The following NOX4 variants were observed in gnomAD, a reference collection of about 807,000 sequenced individuals.
NOX4 encodes kidney oxidase-1.
In NOX4, 69 loss-of-function variants were observed where a neutral mutation model predicts 87.6. The ratio of observed to expected loss-of-function variants is 0.79; its 90% confidence interval spans 0.65 to 0.96. The LOEUF (loss-of-function observed/expected upper bound fraction) is 0.96. Ranked by LOEUF, NOX4 falls within the 40% of genes least tolerant of loss-of-function variation. NOX4 has a pLI of 0.00. For synonymous variants in NOX4, 275 were observed against 238.2 expected (o/e 1.15, Z -1.42); for missense variants, 680 against 681.5 (o/e 1.00, Z 0.02).
At chr11:89,587,086 A>G in the NOX4 span, among the ~76,000 whole-genome samples, 1 of 152,208 alleles carries the variant, frequency 6.6e-6, no homozygotes, top group South Asian at 2.1e-4. Flanking sequence ...GCAAAGACAC[A>G]GAAAAAATAA....
rs1239800206 is a variant in NOX4, at chr11:89,368,761, C to G, written c.1135+4671G>C. Among the ~76,000 whole-genome samples, 5 of 152,126 alleles carry G rather than the reference C, an allele frequency of 3.3e-5. No homozygotes were observed. The East Asian group carries it at 9.7e-4, about 30-fold the overall frequency. On this transcript the variant is annotated intron_variant, in intron 12 of 17. Coordinates refer to ENST00000263317, the MANE Select transcript of NOX4 (RefSeq NM_016931.5). ...ATGTTGGTCAATTTCTGTGGAATAA[C>G]TACTATCACTGTGAGTGATGGGAAG...
At chr11:89,517,768 T>C in the NOX4 span, among the ~76,000 whole-genome samples, 1 of 152,044 alleles carries the variant, frequency 6.6e-6, no homozygotes, top group Non-Finnish European at 1.5e-5. Flanking sequence ...TTCTTTAATA[T>C]ATACTTTTCT....
chr11:89,431,862 A>C (rs1943804693), intron 7 of NOX4, among the ~76,000 whole-genome samples: 1 of 152,206 alleles, frequency 6.6e-6, no homozygotes, highest in South Asian at 2.1e-4. Flanking sequence ...TATATACCCA[A>C]AGGATTATAA....
the NOX4 span, among the ~76,000 whole-genome samples, chr11:89,541,515 T>C: frequency 1.3e-5 from 2 of 152,230 alleles, no homozygotes; most frequent in African/African-American, 4.8e-5. Context: ...AACAAATAAC[T>C]TTTAAACCAT....
the NOX4 span, chr11:89,548,604 C>T: frequency 2.6e-5 from 4 of 152,140 alleles, no homozygotes; most frequent in African/African-American, 4.8e-5. Context: ...GAGGCCTAGA[C>T]AGTGAGGCCT....
chr11:89,440,436 C>A (rs1944406131), intron 6 of NOX4, among the ~76,000 whole-genome samples: 1 of 152,082 alleles, frequency 6.6e-6, no homozygotes, highest in African/African-American at 2.4e-5. Context: ...TCTCCTGCCT[C>A]AGCCTCCTAA....
At chr11:89,483,261 G>T (rs1275904395) in intron 2 of NOX4, among the ~76,000 whole-genome samples, 1 of 151,686 alleles carries the variant, frequency 6.6e-6, no homozygotes, top group Non-Finnish European at 1.5e-5. Context: ...GCTGATTTTT[G>T]ACTGTTTCTG....
chr11:89,552,920 G>T, the NOX4 span, among the ~76,000 whole-genome samples: 1 of 152,224 alleles, frequency 6.6e-6, no homozygotes, highest in Admixed American at 6.5e-5. Flanking sequence ...TTAGGCATGA[G>T]ATTATGCCCC....
At chr11:89,481,881 G>A (rs1946404362) in intron 2 of NOX4, among the ~76,000 whole-genome samples, 1 of 152,066 alleles carries the variant, frequency 6.6e-6, no homozygotes, top group Admixed American at 6.6e-5. Context: ...ACTATGACTA[G>A]GACTAGGGCT....
intron 13 of NOX4, among the ~76,000 whole-genome samples, chr11:89,348,994 C>G (rs1351718453): frequency 2.0e-5 from 3 of 152,026 alleles, no homozygotes; most frequent in African/African-American, 7.2e-5. Context: ...CTATTATAAA[C>G]AAAAATAACT....
In NOX4 at chr11:89,337,480, G is replaced by A; in HGVS notation, c.1482C>T (p.Ile494=). 1 of 1,612,456 alleles carries A rather than the reference G, an allele frequency of 6.2e-7. No homozygotes were observed. The highest frequency in any genetic ancestry group is 8.5e-7 in the Non-Finnish European group (1 of 1,178,906). ...CATCTGTTTGACTGAGGTACAGCTG[G>A]ATGTTGACATAGTCAGGTCTGTTCT... is the stretch of plus-strand genomic sequence containing the variant. ...WQENRPDYVN[I]QLYLSQTDGI... Residue 494 remains isoleucine, a synonymous_variant, in exon 16 of 18, where the codon ATC becomes ATT. Transcript: ENST00000263317.
At chr11:89,370,056 C>CT (rs1939324978) in intron 12 of NOX4, among the ~76,000 whole-genome samples, 1 of 151,990 alleles carries the variant, frequency 6.6e-6, no homozygotes, top group Non-Finnish European at 1.5e-5. Context: ...GTTATCAACT[C>CT]TTTTGTGGCC....
At chr11:89,387,843 T>C (rs1317857669) in intron 11 of NOX4, among the ~76,000 whole-genome samples, 2 of 152,172 alleles carry the variant, frequency 1.3e-5, no homozygotes, top group African/African-American at 4.8e-5. Context: ...TTTGATTTGG[T>C]AGAAAGTCTT....
intron 7 of NOX4, among the ~76,000 whole-genome samples, chr11:89,432,053 G>C (rs1448526396): frequency 1.3e-5 from 2 of 152,108 alleles, no homozygotes; most frequent in Non-Finnish European, 2.9e-5. Context: ...CCTTTTTAGG[G>C]ACATGGATGA....
chr11:89,573,861 C>A, the NOX4 span, among the ~76,000 whole-genome samples: 4 of 152,126 alleles, frequency 2.6e-5, no homozygotes, highest in Non-Finnish European at 5.9e-5. Flanking sequence ...TGCCCTCATG[C>A]GCAGTGCCCT....
At chr11:89,333,667 A>G (rs1464756728) in intron 17 of NOX4, among the ~76,000 whole-genome samples, 1 of 151,714 alleles carries the variant, frequency 6.6e-6, no homozygotes, top group Non-Finnish European at 1.5e-5. Flanking sequence ...TGTTATCTCT[A>G]TATGTTTTCA....
the NOX4 span, among the ~76,000 whole-genome samples, chr11:89,567,295 G>A: frequency 6.6e-6 from 1 of 152,122 alleles, no homozygotes; most frequent in East Asian, 1.9e-4. Flanking sequence ...TAGCAGACAG[G>A]CCCGGATGAC....
chr11:89,451,531 T>C (rs189277989), intron 3 of NOX4, among the ~76,000 whole-genome samples: 3 of 152,330 alleles, frequency 2.0e-5, no homozygotes, highest in Non-Finnish European at 4.4e-5. Flanking sequence ...CCTGTAAGAA[T>C]TGTCCAGCAT....
intron 12 of NOX4, among the ~76,000 whole-genome samples, chr11:89,367,748 A>G (rs750191251): frequency 9.9e-5 from 15 of 152,046 alleles, no homozygotes; most frequent in East Asian, 1.9e-4. Context: ...AAACTCCTCA[A>G]TATTTCACCA....
Sources: allele counts gnomAD v4.1 joint callset (sites outside exome capture counted in the v4.1 genomes callset), GRCh38; gene constraint gnomAD v4.1.1; transcripts MANE v1.5; gene names NCBI Gene and HGNC (gene_info 2026-07-23, HGNC 2026-07-21).